FHIT: variants seen among roughly 807,000 people sequenced by gnomAD.
FHIT encodes bis(5'-adenosyl)-triphosphatase.
In FHIT, 19 loss-of-function variants were observed where a neutral mutation model predicts 17.9. The observed-to-expected ratio is 1.06, with a 90% CI of 0.74 to 1.56. FHIT has a LOEUF of 1.56. FHIT is among the 40% of genes most tolerant of loss of function. The pLI is 0.00. For missense variants in FHIT, 248 were observed against 189.2 expected (o/e 1.31, Z -1.82); for synonymous variants, 81 against 69.7 (o/e 1.16, Z -0.81).
At chr3:60,156,236 G>A (rs1412073440) in intron 5 of FHIT, among the ~76,000 whole-genome samples, 2 of 151,708 alleles carry the variant, frequency 1.3e-5, no homozygotes, top group African/African-American at 4.8e-5. Context: ...TGTAATCCCA[G>A]CTACTCAGGA....
chr3:61,034,194 C>T (rs923976922), intron 3 of FHIT, among the ~76,000 whole-genome samples: 1 of 152,004 alleles, frequency 6.6e-6, no homozygotes, highest in Non-Finnish European at 1.5e-5. Flanking sequence ...AATCATTACC[C>T]TCACATTTGG....
chr3:60,250,969 C>CA (rs1705679685), intron 5 of FHIT, among the ~76,000 whole-genome samples: 1 of 152,168 alleles, frequency 6.6e-6, no homozygotes, highest in Admixed American at 6.5e-5. Context: ...AAAGAGGTGA[C>CA]ATTATGATTG....
At chr3:60,776,625 C>T (rs930691470) in intron 4 of FHIT, among the ~76,000 whole-genome samples, 18 of 152,126 alleles carry the variant, frequency 1.2e-4, no homozygotes, top group African/African-American at 3.4e-4. Flanking sequence ...CGGAACTAAC[C>T]GCACCCTTAA....
intron 5 of FHIT, among the ~76,000 whole-genome samples, chr3:60,251,802 A>C (rs1325671704): frequency 6.6e-6 from 1 of 152,200 alleles, no homozygotes; most frequent in Non-Finnish European, 1.5e-5. Context: ...CTTGCTTGTA[A>C]GTCAAAGCCC....
intron 5 of FHIT, among the ~76,000 whole-genome samples, chr3:60,193,263 G>C (rs563788259): frequency 6.6e-6 from 1 of 152,152 alleles, no homozygotes; most frequent in East Asian, 1.9e-4. Flanking sequence ...GCTGAGAATG[G>C]ACCTGCATCA....
chr3:60,194,794 C>G (rs558853067), intron 5 of FHIT, among the ~76,000 whole-genome samples: 3 of 152,042 alleles, frequency 2.0e-5, no homozygotes, highest in Non-Finnish European at 4.4e-5. Flanking sequence ...AGACATTTCT[C>G]AAAAGAAGAT....
chr3:59,763,041 C>A (rs1383572950), intron 8 of FHIT, among the ~76,000 whole-genome samples: 1 of 152,046 alleles, frequency 6.6e-6, no homozygotes, highest in Non-Finnish European at 1.5e-5. Context: ...AAGCCTTTTT[C>A]CCCCCCGCCG....
At chr3:61,202,067 T>TACACACACACAC (rs143994045) in intron 1 of FHIT, among the ~76,000 whole-genome samples, 13,999 of 148,584 alleles carry the variant, frequency 0.094, 799 homozygotes, top group Non-Finnish European at 0.13. Context: ...CGCACATAGA[T>TACACACACACAC]ACACACACAC....
chr3:61,037,332 G>A (rs775988683), intron 3 of FHIT, among the ~76,000 whole-genome samples: 6 of 152,116 alleles, frequency 3.9e-5, no homozygotes, highest in East Asian at 1.9e-4. Context: ...AGGGAGTGTC[G>A]CTTAACCTTA....
At chr3:60,926,754 A>G (rs573643174) in intron 3 of FHIT, among the ~76,000 whole-genome samples, 206 of 152,336 alleles carry the variant, frequency 1.4e-3, no homozygotes, top group Admixed American at 2.2e-3. Context: ...CAAAAAATCA[A>G]TGAATCCAGG....
intron 4 of FHIT, among the ~76,000 whole-genome samples, chr3:60,661,527 T>C (rs1490379962): frequency 6.6e-6 from 1 of 152,190 alleles, no homozygotes; most frequent in South Asian, 2.1e-4. Flanking sequence ...TGTGCAAGTA[T>C]CTTTTTTGTA....
At chr3:60,455,791 T>C (rs1228121404) in intron 5 of FHIT, among the ~76,000 whole-genome samples, 2 of 151,990 alleles carry the variant, frequency 1.3e-5, no homozygotes, top group Non-Finnish European at 2.9e-5. Flanking sequence ...TGGAGGAAAA[T>C]TATTTGAATA....
At chr3:60,826,294 T>TTTTTGTTTTGTTTTG (rs142138204) in intron 3 of FHIT, among the ~76,000 whole-genome samples, 10 of 149,246 alleles carry the variant, frequency 6.7e-5, no homozygotes, top group African/African-American at 2.5e-4. Context: ...GAGGTTAGTT[T>TTTTTGTTTTGTTTTG]TTTTGTTTTG....
intron 8 of FHIT, among the ~76,000 whole-genome samples, chr3:59,907,444 G>C (rs1218703277): frequency 6.6e-6 from 1 of 152,208 alleles, no homozygotes; most frequent in Non-Finnish European, 1.5e-5. Flanking sequence ...CGCTGCCCCA[G>C]TGTGAGAGAG....
chr3:60,977,026 T>C (rs965250798), intron 3 of FHIT, among the ~76,000 whole-genome samples: 3 of 152,286 alleles, frequency 2.0e-5, no homozygotes, highest in East Asian at 1.9e-4. Context: ...ATCATCAACA[T>C]GACGGTCTGA....
chr3:60,769,171 C>T (rs1185271428), intron 4 of FHIT, among the ~76,000 whole-genome samples: 1 of 152,112 alleles, frequency 6.6e-6, no homozygotes, highest in African/African-American at 2.4e-5. Context: ...AGTACCCCAT[C>T]CTCAACAGTG....
In FHIT at chr3:60,228,231, T is replaced by C. The variant is rs891450024; in HGVS notation, c.104-214079A>G. 2.0e-5 allele frequency among the ~76,000 whole-genome samples: 3 copies of C among 152,176 alleles called. No homozygotes were observed. The East Asian group carries it at 5.8e-4, about 29-fold the overall frequency. ...GGCTCTGACATACTGTATGATCCCA[T>C]TTATGTAAAATGTCCAGAATAGACA... On this transcript the variant is annotated intron_variant, in intron 5 of 9. Coordinates refer to ENST00000492590, the MANE Select transcript of FHIT (RefSeq NM_002012.4).
At chr3:60,101,750 G>C (rs1406672681) in intron 5 of FHIT, among the ~76,000 whole-genome samples, 1 of 152,100 alleles carries the variant, frequency 6.6e-6, no homozygotes, top group African/African-American at 2.4e-5. Context: ...CGAATGCCAA[G>C]TTCCATCACA....
At chr3:60,402,104 T>C (rs541655385) in intron 5 of FHIT, among the ~76,000 whole-genome samples, 11 of 152,202 alleles carry the variant, frequency 7.2e-5, no homozygotes, top group African/African-American at 2.4e-4. Flanking sequence ...TCCTCCTACC[T>C]CCTGATCTTT....
Sources: allele counts gnomAD v4.1 joint callset (sites outside exome capture counted in the v4.1 genomes callset), GRCh38; gene constraint gnomAD v4.1.1; transcripts MANE v1.5; gene names NCBI Gene and HGNC (gene_info 2026-07-23, HGNC 2026-07-21).